Variants in GALNT17 observed in about 807,000 individuals in gnomAD.
GALNT17 encodes the protein polypeptide N-acetylgalactosaminyltransferase 17.
GALNT17 carries 29 observed loss-of-function variants against 63.7 expected under a neutral mutation model. That is an observed-to-expected ratio of 0.46 (90% CI 0.34 to 0.62). The LOEUF is 0.62. GALNT17 is among the 20% of genes least tolerant of loss of function. The probability of loss-of-function intolerance (pLI) is 0.01; values close to 1 mark genes in which losing one functional copy is unlikely to be tolerated. For synonymous variants in GALNT17, 305 were observed against 318.3 expected (o/e 0.96, Z 0.45); for missense variants, 603 against 799.6 (o/e 0.75, Z 2.97).
chr7:71,485,789 A>T (rs1194435094), intron 5 of GALNT17, among the ~76,000 whole-genome samples: 1 of 152,160 alleles, frequency 6.6e-6, no homozygotes, highest in Non-Finnish European at 1.5e-5. Flanking sequence ...GTTGTAATCC[A>T]TCCTCTGAAA....
intron 1 of GALNT17, among the ~76,000 whole-genome samples, chr7:71,329,923 GTGTGTGTGTATATATATACACACATA>G (rs144839789): frequency 0.049 from 7,298 of 149,458 alleles, 239 homozygotes; most frequent in Middle Eastern, 0.08. Context: ...ATGTATGTGT[GTGTGTGTGTATATATATACACACATA>G]TGTGTGTGTG....
intron 1 of GALNT17, among the ~76,000 whole-genome samples, chr7:71,267,303 C>T (rs1790508024): frequency 6.6e-6 from 1 of 152,050 alleles, no homozygotes; most frequent in African/African-American, 2.4e-5. Context: ...GGCTCCACGC[C>T]TTCCTGGAAT....
intron 5 of GALNT17, among the ~76,000 whole-genome samples, chr7:71,504,601 C>G (rs996367896): frequency 6.6e-6 from 1 of 151,942 alleles, no homozygotes; most frequent in Non-Finnish European, 1.5e-5. Context: ...CATTTTTTTA[C>G]CTAGTTTACT....
At chr7:71,556,926 T>G (rs554548813) in intron 5 of GALNT17, among the ~76,000 whole-genome samples, 4 of 152,066 alleles carry the variant, frequency 2.6e-5, no homozygotes, top group Admixed American at 2.6e-4. Context: ...ATTTTTATTT[T>G]TAACCTTTTT....
At chr7:71,146,384 A>G (rs1407289517) in intron 1 of GALNT17, among the ~76,000 whole-genome samples, 2 of 152,154 alleles carry the variant, frequency 1.3e-5, no homozygotes, top group Admixed American at 1.3e-4. Context: ...CTGACTTCCT[A>G]GCAGCTCCTT....
intron 1 of GALNT17, among the ~76,000 whole-genome samples, chr7:71,159,116 C>T (rs1277419207): frequency 6.6e-6 from 1 of 151,754 alleles, no homozygotes; most frequent in Non-Finnish European, 1.5e-5. Context: ...CCATAAACCC[C>T]CATCTCCTAC....
chr7:71,313,700 C>G (rs1416871745), intron 1 of GALNT17, among the ~76,000 whole-genome samples: 1 of 152,114 alleles, frequency 6.6e-6, no homozygotes, highest in African/African-American at 2.4e-5. Flanking sequence ...AGTCTGGGGA[C>G]AGAATGTGTA....
chr7:71,421,954 A>G (rs1389455764), intron 5 of GALNT17, among the ~76,000 whole-genome samples: 1 of 151,356 alleles, frequency 6.6e-6, no homozygotes, highest in East Asian at 1.9e-4. Flanking sequence ...CTGTCTCGAA[A>G]AAAAAAAAAA....
intron 6 of GALNT17, among the ~76,000 whole-genome samples, chr7:71,647,903 G>A (rs1050449471): frequency 2.6e-5 from 4 of 152,176 alleles, no homozygotes; most frequent in East Asian, 1.9e-4. Context: ...GGCAGGAAGC[G>A]GCCTGGCCCA....
chr7:71,476,780 C>T (rs369222196), intron 5 of GALNT17, among the ~76,000 whole-genome samples: 3 of 152,118 alleles, frequency 2.0e-5, no homozygotes, highest in Admixed American at 6.6e-5. Context: ...TTATCTGGCC[C>T]CAGGTGTCAC....
At chr7:71,450,959 C>T (rs967135413) in intron 5 of GALNT17, among the ~76,000 whole-genome samples, 12 of 145,094 alleles carry the variant, frequency 8.3e-5, no homozygotes, top group Admixed American at 5.6e-4. Context: ...ACTCTAAGTT[C>T]TAGGGTACAT....
chr7:71,470,842 A>G (rs1403733919), intron 5 of GALNT17, among the ~76,000 whole-genome samples: 1 of 152,052 alleles, frequency 6.6e-6, no homozygotes, highest in Non-Finnish European at 1.5e-5. Context: ...GTCCTTTTTT[A>G]AAAACTCTTT....
At chr7:71,215,573 T>TA (rs1457796637) in intron 1 of GALNT17, among the ~76,000 whole-genome samples, 1 of 152,200 alleles carries the variant, frequency 6.6e-6, no homozygotes, top group Non-Finnish European at 1.5e-5. Flanking sequence ...TGGTTTTTAC[T>TA]AATGTTCAGT....
At chr7:71,588,696 A>G (rs1789755058) in intron 6 of GALNT17, among the ~76,000 whole-genome samples, 2 of 152,096 alleles carry the variant, frequency 1.3e-5, no homozygotes, top group Admixed American at 1.3e-4. Flanking sequence ...CGGACAACCC[A>G]TACTCCCAGA....
At chr7:71,177,406 C>G (rs1199724052) in intron 1 of GALNT17, among the ~76,000 whole-genome samples, 1 of 152,170 alleles carries the variant, frequency 6.6e-6, no homozygotes, top group Non-Finnish European at 1.5e-5. Context: ...ACCATTTTCC[C>G]TGGGTGGTCC....
intron 5 of GALNT17, among the ~76,000 whole-genome samples, chr7:71,473,530 A>G (rs1477095637): frequency 1.1e-4 from 16 of 152,194 alleles, no homozygotes; most frequent in Admixed American, 1.0e-3. Flanking sequence ...TTACTGCCAC[A>G]GTGAGTCTGT....
chr7:71,380,988 T>A (rs990129641), intron 2 of GALNT17, among the ~76,000 whole-genome samples: 7 of 150,914 alleles, frequency 4.6e-5, no homozygotes, highest in African/African-American at 1.7e-4. Context: ...TAAGACAGGA[T>A]CTCGCTCCGT....
At chr7:71,611,708 A>C (rs893742243) in intron 6 of GALNT17, among the ~76,000 whole-genome samples, 3 of 152,144 alleles carry the variant, frequency 2.0e-5, no homozygotes, top group Admixed American at 2.0e-4. Context: ...AAATGGAGAA[A>C]TTATGTATTA....
intron 1 of GALNT17, among the ~76,000 whole-genome samples, chr7:71,192,938 G>A (rs1307111011): frequency 6.6e-6 from 1 of 151,672 alleles, no homozygotes; most frequent in East Asian, 1.9e-4. Context: ...ACCTGGAGAG[G>A]TGATCCTCTG....
Sources: gnomAD v4.1 joint callset for allele counts (sites outside exome capture counted in the v4.1 genomes callset) on GRCh38, gnomAD v4.1.1 for gene constraint, MANE v1.5 for transcripts, NCBI Gene and HGNC (gene_info 2026-07-23, HGNC 2026-07-21) for gene names.